The following CMIP variants were observed in gnomAD, a reference collection of about 807,000 sequenced individuals.
CMIP encodes c-Maf inducing protein.
A neutral mutation model predicts 97.3 loss-of-function variants in CMIP; 13 were observed. The observed-to-expected ratio is 0.13, with a 90% confidence interval of 0.09 to 0.21. The LOEUF (loss-of-function observed/expected upper bound fraction) is 0.21. Among genes scored for constraint, CMIP ranks in the 10% least tolerant of loss-of-function variants. The pLI is 1.00. For missense variants in CMIP, 847 were observed against 1,024.9 expected, an observed-to-expected ratio of 0.83 and a Z score of 2.37; for synonymous variants, 538 against 436.3, an observed-to-expected ratio of 1.23 and a Z score of -2.91.
intron 1 of CMIP, among the ~76,000 whole-genome samples, chr16:81,564,624 AAG>A (rs1359703279): frequency 6.6e-6 from 1 of 152,204 alleles, no homozygotes; most frequent in East Asian, 1.9e-4. Context: ...AGCCTGTTCC[AAG>A]AGTGTGCTCT....
Position 81,652,150 on chromosome 16 carries a change from C to T in CMIP, c.478-53C>T. The T allele has an allele frequency of 6.9e-7, 1 of 1,439,320 alleles. No individual in the cohort carries two copies. Among genetic ancestry groups the T allele is most frequent in the Admixed American group, 1.7e-5 (1 of 58,318 alleles). 89.2% of individuals were successfully genotyped at this position (1,439,320 alleles called of 1,614,324 possible). On this transcript the variant is annotated intron_variant, in intron 3 of 20. Coordinates refer to ENST00000537098, the MANE Select transcript of CMIP (RefSeq NM_198390.3). This position sits in a 1 kb window ranked among gnomAD's most constrained non-coding sequence, Gnocchi z 5.2. ...TGATTCTTTGATTGTCTTCCATCTT[C>T]TGCCTTCCTTACGTGAGTAACATGT... is the stretch of plus-strand genomic sequence containing the variant.
intron 20 of CMIP, among the ~76,000 whole-genome samples, chr16:81,708,133 C>G (rs1908356039): frequency 6.6e-6 from 1 of 152,258 alleles, no homozygotes; most frequent in African/African-American, 2.4e-5. Context: ...CTCAGCAAAC[C>G]AAGGCGGGCA....
intron 1 of CMIP, among the ~76,000 whole-genome samples, chr16:81,533,012 C>G (rs908093367): frequency 3.3e-5 from 5 of 152,134 alleles, no homozygotes; most frequent in African/African-American, 1.2e-4. Context: ...ACCACACGCT[C>G]CCTCGCTTCC....
intron 1 of CMIP, among the ~76,000 whole-genome samples, chr16:81,462,802 G>A (rs1009025725): frequency 1.8e-4 from 27 of 152,220 alleles, no homozygotes; most frequent in African/African-American, 6.5e-4. Flanking sequence ...CTGTTCTGCT[G>A]GAATCAGGCA....
chr16:81,604,158 C>T (rs996056828), intron 1 of CMIP, among the ~76,000 whole-genome samples: 1 of 152,108 alleles, frequency 6.6e-6, no homozygotes, highest in African/African-American at 2.4e-5. Flanking sequence ...CTTTGGGAGG[C>T]CGAGGCAGGA....
chr16:81,495,412 G>A (rs1202617966), intron 1 of CMIP: 10 of 1,585,904 alleles, frequency 6.3e-6, no homozygotes, highest in African/African-American at 2.7e-5. Context: ...CAAGCCGGCC[G>A]GGCTGCCGCT....
chr16:81,506,398 CT>C (rs2089709881), intron 1 of CMIP, among the ~76,000 whole-genome samples: 1 of 152,158 alleles, frequency 6.6e-6, no homozygotes, highest in Non-Finnish European at 1.5e-5. Context: ...TGGATCTTGC[CT>C]CAGTTATGCT....
At chr16:81,677,485 T>TA (rs1904392310) in intron 9 of CMIP, among the ~76,000 whole-genome samples, 1 of 152,138 alleles carries the variant, frequency 6.6e-6, no homozygotes, top group Non-Finnish European at 1.5e-5. Context: ...TACTGTCCCT[T>TA]ATAATGCACC....
intron 9 of CMIP, among the ~76,000 whole-genome samples, chr16:81,677,000 A>T (rs1406546499): frequency 1.3e-5 from 2 of 152,236 alleles, no homozygotes; most frequent in Non-Finnish European, 2.9e-5. Context: ...AACCTTGACC[A>T]CACACGAGGA....
chr16:81,470,625 A>T (rs1441634743), intron 1 of CMIP, among the ~76,000 whole-genome samples: 1 of 152,220 alleles, frequency 6.6e-6, no homozygotes, highest in Non-Finnish European at 1.5e-5. Context: ...GATTTAAAAA[A>T]GCTATTAAAA....
intron 2 of CMIP, among the ~76,000 whole-genome samples, chr16:81,612,601 G>A (rs752869270): frequency 1.3e-5 from 2 of 152,182 alleles, no homozygotes; most frequent in African/African-American, 4.8e-5. Flanking sequence ...GCGCACCCTG[G>A]GCTGTTTTTC....
intron 13 of CMIP, among the ~76,000 whole-genome samples, chr16:81,694,957 C>A (rs934258506): frequency 1.3e-5 from 2 of 152,232 alleles, no homozygotes; most frequent in Non-Finnish European, 2.9e-5. Flanking sequence ...TCTTTCCTTG[C>A]CACCTGTGAA....
At chr16:81,544,037 C>T (rs975839219) in intron 1 of CMIP, among the ~76,000 whole-genome samples, 6 of 152,186 alleles carry the variant, frequency 3.9e-5, no homozygotes, top group African/African-American at 1.4e-4. Flanking sequence ...TGTGAGCCTC[C>T]TTGGGGTACC....
chr16:81,451,307 C>G (rs139042660), intron 1 of CMIP, among the ~76,000 whole-genome samples: 2 of 152,178 alleles, frequency 1.3e-5, no homozygotes, highest in Non-Finnish European at 2.9e-5. Flanking sequence ...CTCTTTCATT[C>G]TCCTCTTGTC....
chr16:81,445,221 G>T lies in CMIP; in HGVS notation c.-21G>T. 9.2e-7 allele frequency: 1 copy of T among 1,083,888 alleles called. No individual in the cohort carries two copies. The highest frequency in any genetic ancestry group is 1.4e-5 in the South Asian group (1 of 70,220). 67.1% of individuals were successfully genotyped at this position (1,083,888 alleles called of 1,614,324 possible). ...GGACAGCCCCCTCTCCCCGCCCCCA[G>T]CCCCCTCCCCCGGCGCGGCCATGGA... is the stretch of plus-strand genomic sequence containing the variant. On this transcript the variant is annotated 5_prime_UTR_variant, in exon 1 of 21. Transcript: ENST00000537098.
chr16:81,639,389 A>T lies in CMIP; in HGVS notation c.478-12814A>T, dbSNP rs938583394. On this transcript the variant is annotated intron_variant, in intron 3 of 20. Transcript: ENST00000537098. ...TCTCCAGAACTTTCTCCTCTTCCCA[A>T]ATGGAAACTCTGTCCCCATTACCCC... is the stretch of plus-strand genomic sequence containing the variant. Among the ~76,000 whole-genome samples, 7 of 152,132 alleles carry T rather than the reference A, an allele frequency of 4.6e-5. No individual in the cohort carries two copies. The East Asian group carries it at 1.4e-3, about 29-fold the overall frequency.
intron 1 of CMIP, among the ~76,000 whole-genome samples, chr16:81,525,193 G>T (rs772133563): frequency 2.1e-4 from 32 of 151,932 alleles, no homozygotes; most frequent in Non-Finnish European, 2.9e-4. Context: ...ACCCAGGCTG[G>T]AGTGCAGTGG....
At chr16:81,695,596 C>G (rs1432903380) in intron 13 of CMIP, 1 of 152,300 alleles carries the variant, frequency 6.6e-6, no homozygotes, top group African/African-American at 2.4e-5. Context: ...TTCCTGCACG[C>G]CCTTGCTCTC....
At chr16:81,493,250 G>A (rs1257028794) in intron 1 of CMIP, among the ~76,000 whole-genome samples, 1 of 152,200 alleles carries the variant, frequency 6.6e-6, no homozygotes, top group Non-Finnish European at 1.5e-5. Context: ...GCATCAGAGT[G>A]CAGTCTGAGG....
Sources: allele counts gnomAD v4.1 joint callset (sites outside exome capture counted in the v4.1 genomes callset), GRCh38; gene constraint gnomAD v4.1.1; non-coding constraint Gnocchi (gnomAD v3.1); transcripts MANE v1.5; gene names NCBI Gene and HGNC (gene_info 2026-07-23, HGNC 2026-07-21).